SRBD1: variants seen among roughly 807,000 people sequenced by gnomAD.
The protein encoded by SRBD1 is S1 RNA binding domain 1, also known as S1 RNA-binding domain-containing protein 1.
In SRBD1, 88 loss-of-function variants were observed where a neutral mutation model predicts 115.3. The observed-to-expected ratio is 0.76, with a 90% CI of 0.64 to 0.91. SRBD1 has a LOEUF of 0.91. Among genes scored for constraint, SRBD1 ranks in the 40% least tolerant of loss-of-function variants. The pLI, the probability that SRBD1 is intolerant of heterozygous loss-of-function variation, is 0.00. For missense variants in SRBD1, 1,385 were observed against 1,177.4 expected, an observed-to-expected ratio of 1.18 and a Z score of -2.58; for synonymous variants, 509 against 407.7, an observed-to-expected ratio of 1.25 and a Z score of -2.99.
chr2:45,431,881 T>C (rs146227915), intron 16 of SRBD1, among the ~76,000 whole-genome samples: 2 of 152,328 alleles, frequency 1.3e-5, no homozygotes, highest in East Asian at 1.9e-4. Flanking sequence ...TTAAAAACTC[T>C]TCTAGCAGCT....
chr2:45,599,590 C>G lies in SRBD1; in HGVS notation c.507G>C (p.Glu169Asp). The change falls in exon 4 of 21, where the codon GAG becomes GAC. Residue 169 changes from glutamate (E) to aspartate (D), a missense_variant. Coordinates refer to ENST00000263736, the MANE Select transcript of SRBD1 (RefSeq NM_018079.5). ...TVWGGTCKKEENDDDFTFGQS... is the reference protein window; with the variant it reads ...TVWGGTCKKEDNDDDFTFGQS... The stretch of plus-strand genomic sequence containing the variant: ...GACCAAATGTAAAGTCATCGTCATT[C>G]TCTTCCTTCTTGCATGTACCTCCCC... 1 of 1,614,196 alleles carries G rather than the reference C, an allele frequency of 6.2e-7. No individual in the cohort carries two copies. The highest frequency in any genetic ancestry group is 1.1e-5 in the South Asian group (1 of 91,088).
At chr2:45,481,930 T>C (rs1303748617) in intron 15 of SRBD1, among the ~76,000 whole-genome samples, 2 of 152,022 alleles carry the variant, frequency 1.3e-5, no homozygotes, top group Non-Finnish European at 1.5e-5. Flanking sequence ...AGAGAGAAAG[T>C]AGATTCATGT....
chr2:45,519,743 T>C (rs775271072), intron 14 of SRBD1, among the ~76,000 whole-genome samples: 3 of 152,220 alleles, frequency 2.0e-5, no homozygotes, highest in Non-Finnish European at 4.4e-5. Context: ...TCTTTGATGC[T>C]TGTTAAATGT....
chr2:45,407,564 AG>A (rs1667474515), intron 19 of SRBD1, among the ~76,000 whole-genome samples: 1 of 152,140 alleles, frequency 6.6e-6, no homozygotes, highest in South Asian at 2.1e-4. Flanking sequence ...TATATACTTC[AG>A]CCCCTATCAC....
intron 16 of SRBD1, among the ~76,000 whole-genome samples, chr2:45,425,360 A>AT (rs768845392): frequency 6.6e-6 from 1 of 152,204 alleles, no homozygotes; most frequent in Non-Finnish European, 1.5e-5. Context: ...ATCTTCATAT[A>AT]TAAGATTTTT....
intron 14 of SRBD1, among the ~76,000 whole-genome samples, chr2:45,534,032 T>A (rs966846602): frequency 2.0e-5 from 3 of 151,834 alleles, no homozygotes; most frequent in African/African-American, 7.2e-5. Flanking sequence ...GGGGGTGGGG[T>A]AACTCCTGCA....
At chr2:45,438,822 T>G (rs1668576743) in intron 16 of SRBD1, among the ~76,000 whole-genome samples, 1 of 152,088 alleles carries the variant, frequency 6.6e-6, no homozygotes, top group South Asian at 2.1e-4. Context: ...TTTGAAGTAG[T>G]AACAAAACTT....
intron 7 of SRBD1, among the ~76,000 whole-genome samples, chr2:45,575,558 G>T (rs1450594764): frequency 6.6e-6 from 1 of 152,026 alleles, no homozygotes; most frequent in African/African-American, 2.4e-5. Context: ...AAGTAATAAG[G>T]TACAAAAGCC....
intron 14 of SRBD1, among the ~76,000 whole-genome samples, chr2:45,533,648 G>A (rs1394036942): frequency 1.3e-5 from 2 of 151,958 alleles, no homozygotes; most frequent in African/African-American, 2.4e-5. Context: ...GTGTAAAACT[G>A]TACATACGCA....
At chr2:45,576,024 T>C (rs962745779) in intron 7 of SRBD1, among the ~76,000 whole-genome samples, 2 of 152,028 alleles carry the variant, frequency 1.3e-5, no homozygotes, top group Non-Finnish European at 2.9e-5. Context: ...ATGGATTAAT[T>C]ACAATAAAAG....
intron 10 of SRBD1, 67 bp from the exon 11 acceptor site, chr2:45,553,797 A>G (rs2104066231): frequency 3.0e-6 from 3 of 996,320 alleles, no homozygotes; most frequent in Non-Finnish European, 4.3e-6. Context: ...AAGGCTCCCA[A>G]AAAGAAGGGA....
intron 14 of SRBD1, among the ~76,000 whole-genome samples, chr2:45,506,481 C>G (rs1380343309): frequency 6.6e-6 from 1 of 152,132 alleles, no homozygotes; most frequent in African/African-American, 2.4e-5. Flanking sequence ...CACAGAGAAG[C>G]TGGAGTTTCC....
At position 45,551,218 on chromosome 2, in the gene SRBD1, G is replaced by C. The variant is rs201709955; in HGVS notation, c.1582C>G (p.Leu528Val). ...CCTGGAACAGGGCTTGTTAAAAGGAGCTGACGAAGGTTCCGTCCAAACATC... is the reference window on the plus strand; with the variant it reads ...CCTGGAACAGGGCTTGTTAAAAGGACCTGACGAAGGTTCCGTCCAAACATC... The part of the protein sequence containing the change: ...VMMFGRNLRQ[L>V]LLTSPVPGRT... Residue 528 changes from leucine (L) to valine (V), a missense_variant, in exon 12 of 21, where the codon CTC (leucine) becomes GTC (valine). Coordinates refer to ENST00000263736, the MANE Select transcript of SRBD1 (RefSeq NM_018079.5). 129 of 1,613,044 alleles carry C rather than the reference G, an allele frequency of 8.0e-5. 1 individual carries two copies. The South Asian group carries it at 8.2e-4, about 10-fold the overall frequency.
At chr2:45,583,201 C>T (rs543596183) in intron 5 of SRBD1, among the ~76,000 whole-genome samples, 1 of 141,394 alleles carries the variant, frequency 7.1e-6, no homozygotes, top group African/African-American at 2.9e-5. Flanking sequence ...AAAATTAAAT[C>T]TACTTGTAAA....
chr2:45,573,270 A>G lies in SRBD1; in HGVS notation c.1242T>C (p.Asp414=). 6.2e-7 allele frequency: 1 copy of G among 1,612,624 alleles called. No individual in the cohort carries two copies. Residue 414 remains aspartate (D), a synonymous_variant, in exon 9 of 21, where the codon GAT becomes GAC. Coordinates refer to ENST00000263736, the MANE Select transcript of SRBD1 (RefSeq NM_018079.5). ...KVSSKKVNEK[D]VDKFLLYQHF... Reference sequence around the variant, plus strand: ...GCTGGTAGAGCAGAAACTTATCAACATCTTTCTCATTTACCTTTTTTGAGG... The same window carrying G: ...GCTGGTAGAGCAGAAACTTATCAACGTCTTTCTCATTTACCTTTTTTGAGG...
chr2:45,527,606 G>A (rs1052117195), intron 14 of SRBD1, among the ~76,000 whole-genome samples: 1 of 151,766 alleles, frequency 6.6e-6, no homozygotes, highest in African/African-American at 2.4e-5. Context: ...AATATTTACT[G>A]ATTGTATACT....
intron 15 of SRBD1, among the ~76,000 whole-genome samples, chr2:45,478,448 G>A (rs1450694692): frequency 6.6e-6 from 1 of 152,094 alleles, no homozygotes; most frequent in Non-Finnish European, 1.5e-5. Context: ...AGTGACAATA[G>A]CTCCTTGCAA....
At chr2:45,424,978 C>G (rs533115399) in intron 16 of SRBD1, among the ~76,000 whole-genome samples, 2 of 152,112 alleles carry the variant, frequency 1.3e-5, no homozygotes, top group African/African-American at 4.8e-5. Flanking sequence ...GCTAACTTAG[C>G]GAGAATGGCA....
At chr2:45,404,964 G>A (rs1296734741) in intron 19 of SRBD1, among the ~76,000 whole-genome samples, 1 of 152,016 alleles carries the variant, frequency 6.6e-6, no homozygotes, top group Non-Finnish European at 1.5e-5. Flanking sequence ...TATCTGCACA[G>A]CTAACTCTTT....
Sources: gnomAD v4.1 joint callset for allele counts (sites outside exome capture counted in the v4.1 genomes callset) on GRCh38, gnomAD v4.1.1 for gene constraint, MANE v1.5 for transcripts, NCBI Gene and HGNC (gene_info 2026-07-23, HGNC 2026-07-21) for gene names.